The following EBAG9 variants were observed in gnomAD, a reference collection of about 807,000 sequenced individuals.
EBAG9 encodes estrogen receptor binding site associated antigen 9.
Under a neutral mutation model 30.9 loss-of-function variants are expected in EBAG9, and 16 were observed. The ratio of observed to expected loss-of-function variants is 0.52; its 90% CI spans 0.35 to 0.79. The LOEUF is 0.79. EBAG9 is among the 30% of genes least tolerant of loss of function. The pLI is 0.01. For missense variants in EBAG9, 197 were observed against 242.1 expected (o/e 0.81, Z 1.24); for synonymous variants, 93 against 82.8 (o/e 1.12, Z -0.67).
chr8:109,560,761 A>G, intron 5 of EBAG9, 77 bp from the exon 6 acceptor site: 1 of 1,017,650 alleles, frequency 9.8e-7, no homozygotes, highest in South Asian at 1.4e-5. Context: ...TTATGTGTTA[A>G]AAGATACTCT....
intron 1 of EBAG9, among the ~76,000 whole-genome samples, chr8:109,547,693 G>T (rs1821412117): frequency 6.6e-6 from 1 of 151,998 alleles, no homozygotes; most frequent in Non-Finnish European, 1.5e-5. Context: ...TGTTGGCCAG[G>T]ATGGTCTTGA....
In EBAG9 at chr8:109,564,484, A is replaced by G. The variant is rs746970576; in HGVS notation, c.567A>G (p.Gln189=). The change falls in exon 7 of 7, where the codon CAA becomes CAG. Residue 189 remains glutamine, a synonymous_variant. Transcript: ENST00000337573. ...ADREKRAAEQ[Q]RKKMEKEAQR... ...GAGAAAAGAGAGCAGCCGAACAACA[A>G]AGGAAGAAAATGGAAAAGGAAGCAC... 6.2e-7 allele frequency: 1 copy of G among 1,612,970 alleles called. No individual in the cohort carries two copies. Among genetic ancestry groups the G allele is most frequent in the East Asian group, 2.2e-5 (1 of 44,834 alleles).
At chr8:109,564,155 G>T (rs938126196) in intron 6 of EBAG9, among the ~76,000 whole-genome samples, 1 of 152,038 alleles carries the variant, frequency 6.6e-6, no homozygotes, top group Admixed American at 6.6e-5. Flanking sequence ...TCTTATCCCT[G>T]TACTTAATCC....
chr8:109,543,028 G>A (rs187828234), intron 1 of EBAG9, among the ~76,000 whole-genome samples: 1 of 151,802 alleles, frequency 6.6e-6, no homozygotes, highest in East Asian at 1.9e-4. Flanking sequence ...GAGAAAGAAA[G>A]GAGGAGTCAG....
At chr8:109,552,976 A>G (rs1427081508) in intron 2 of EBAG9, among the ~76,000 whole-genome samples, 2 of 152,080 alleles carry the variant, frequency 1.3e-5, no homozygotes, top group East Asian at 3.9e-4. Flanking sequence ...ATAAAGGACT[A>G]TATTACTTTT....
At chr8:109,543,541 A>G (rs184502213) in intron 1 of EBAG9, among the ~76,000 whole-genome samples, 4 of 152,188 alleles carry the variant, frequency 2.6e-5, no homozygotes, top group Admixed American at 6.5e-5. Context: ...CAAACAGTAC[A>G]TACAGTCAAG....
intron 5 of EBAG9, 41 bp downstream of exon 5, chr8:109,557,083 T>C (rs756509881): frequency 7.7e-7 from 1 of 1,297,284 alleles, no homozygotes; most frequent in Admixed American, 2.1e-5. Flanking sequence ...TTTGTTGTAT[T>C]TCTGTTTTCT....
intron 2 of EBAG9, among the ~76,000 whole-genome samples, 191 bp downstream of exon 2, chr8:109,551,098 G>C (rs1821485402): frequency 6.6e-6 from 1 of 151,970 alleles, no homozygotes; most frequent in Admixed American, 6.6e-5. Context: ...TAGAGGTTCA[G>C]TTGTTTTGTT....
intron 2 of EBAG9, among the ~76,000 whole-genome samples, chr8:109,551,979 T>A (rs1361245878): frequency 1.3e-5 from 2 of 152,176 alleles, no homozygotes; most frequent in Non-Finnish European, 2.9e-5. Context: ...TCAGTGGAAT[T>A]GTTAGGTGTT....
intron 4 of EBAG9, among the ~76,000 whole-genome samples, chr8:109,556,619 G>A (rs1293099974): frequency 6.6e-6 from 1 of 152,034 alleles, no homozygotes; most frequent in African/African-American, 2.4e-5. Flanking sequence ...ACTATTGGCA[G>A]GATATGATAC....
Position 109,557,335 on chromosome 8 carries a change from C to T in EBAG9, c.429+293C>T, listed in dbSNP as rs925555108. On this transcript the variant is annotated intron_variant, in intron 5 of 6. Coordinates refer to ENST00000337573, the MANE Select transcript of EBAG9 (RefSeq NM_004215.5). ...GATTACCATTAAAATGAGAGATTAA[C>T]CCTAATGGTAGATTATTTTAAAGTG... Among the ~76,000 whole-genome samples the T allele has an allele frequency of 4.6e-5, 7 of 152,158 alleles. No individual in the cohort carries two copies. The East Asian group carries it at 9.6e-4, about 21-fold the overall frequency.
At position 109,564,430 on chromosome 8, in the gene EBAG9, T is replaced by C. The variant is rs966646152; in HGVS notation, c.522-9T>C. 2 of 1,610,194 alleles carry C rather than the reference T, an allele frequency of 1.2e-6. No homozygotes were observed. Among genetic ancestry groups the C allele is most frequent in the Non-Finnish European group, 1.7e-6 (2 of 1,178,128 alleles). On this transcript the variant is annotated splice_polypyrimidine_tract_variant and intron_variant, in intron 6 of 6. Coordinates refer to ENST00000337573, the MANE Select transcript of EBAG9 (RefSeq NM_004215.5). ...TATTTTCTAAAAGTAAAAGTATGTT[T>C]CTTTTCAGACAGCAGAAACTAGCAG...
In EBAG9 at chr8:109,565,537, T is replaced by A. The variant is rs1327654415; in HGVS notation, c.*978T>A. 6.6e-6 allele frequency: 1 copy of A among 152,076 alleles called. No homozygotes were observed. The highest frequency in any genetic ancestry group is 2.4e-5 in the African/African-American group (1 of 41,432). 9.4% of individuals were successfully genotyped at this position (152,076 alleles called of 1,614,324 possible). A position where few individuals can be genotyped will look rare whatever the true frequency, so the allele number is the denominator to read the frequency against. The stretch of plus-strand genomic sequence containing the variant: ...TAAATCATAAAGGTGGGAATAATAA[T>A]CTTTTATTTATGATGTTGATTGGCT... On this transcript the variant is annotated 3_prime_UTR_variant, in exon 7 of 7. Transcript: ENST00000337573.
At chr8:109,542,122 G>T (rs1294631156) in intron 1 of EBAG9, among the ~76,000 whole-genome samples, 1 of 152,102 alleles carries the variant, frequency 6.6e-6, no homozygotes, top group Non-Finnish European at 1.5e-5. Context: ...TGAGTTGTGT[G>T]TTAACATTTT....
chr8:109,553,766 A>G (rs1586690730), intron 2 of EBAG9, 99 bp from the exon 3 acceptor site: 1 of 869,728 alleles, frequency 1.1e-6, no homozygotes, highest in East Asian at 2.9e-5. Flanking sequence ...AAATTGAGAA[A>G]GATCTTGTTT....
intron 3 of EBAG9, 143 bp downstream of exon 3, chr8:109,554,086 A>G: frequency 3.5e-6 from 2 of 564,276 alleles, no homozygotes; most frequent in Non-Finnish European, 5.8e-6. Flanking sequence ...CTGGTCTGAA[A>G]ATTCTATTTG....
intron 2 of EBAG9, among the ~76,000 whole-genome samples, chr8:109,551,736 C>G (rs1390113469): frequency 6.6e-6 from 1 of 152,028 alleles, no homozygotes; most frequent in Non-Finnish European, 1.5e-5. Context: ...AAAGCGAGTA[C>G]TGCACCAAAA....
intron 1 of EBAG9, among the ~76,000 whole-genome samples, chr8:109,542,349 G>T (rs932434067): frequency 1.3e-5 from 2 of 152,002 alleles, no homozygotes; most frequent in Non-Finnish European, 2.9e-5. Flanking sequence ...ATTCAAGTTG[G>T]CAAATATTTA....
intron 6 of EBAG9, 73 bp from the exon 7 acceptor site, chr8:109,564,366 A>G: frequency 1.3e-6 from 2 of 1,566,446 alleles, no homozygotes; most frequent in Non-Finnish European, 1.7e-6. Context: ...AGGCACTGCT[A>G]TTTCTTTCTA....
Sources: allele counts gnomAD v4.1 joint callset (sites outside exome capture counted in the v4.1 genomes callset), GRCh38; gene constraint gnomAD v4.1.1; transcripts MANE v1.5; gene names NCBI Gene and HGNC (gene_info 2026-07-23, HGNC 2026-07-21).